YTHDF2: variants seen among roughly 807,000 people sequenced by gnomAD.
The protein encoded by YTHDF2 is YTH domain-containing family protein 2.
In YTHDF2, 2 loss-of-function variants were observed where a neutral mutation model predicts 50.4. The ratio of observed to expected loss-of-function variants is 0.04; its 90% CI spans 0.02 to 0.12. The LOEUF is 0.12. YTHDF2 is among the 10% of genes least tolerant of loss of function. The pLI is 1.00. For synonymous variants in YTHDF2, 217 were observed against 255.6 expected (o/e 0.85, Z 1.44); for missense variants, 483 against 722.6 (o/e 0.67, Z 3.80).
Position 28,742,611 on chromosome 1 carries a change from C to T in YTHDF2, c.341C>T (p.Thr114Ile). 1 of 1,614,058 alleles carries T rather than the reference C, an allele frequency of 6.2e-7. No homozygotes were observed. Among genetic ancestry groups the T allele is most frequent in the Non-Finnish European group, 8.5e-7 (1 of 1,179,986 alleles). The change falls in exon 4 of 5, where the codon ACT (threonine) becomes ATT (isoleucine). Residue 114 changes from threonine (T) to isoleucine (I), a missense_variant. Around this residue, in one of 4 missense-constraint regions of YTHDF2, gnomAD observed 385 missense variants for 475.8 expected, o/e 0.81. Coordinates refer to ENST00000373812, the MANE Select transcript of YTHDF2 (RefSeq NM_016258.3). ...GGGCAACCAGGAGCCCTAGGTAGCA[C>T]TCCATTTCTTGGTCAGCATGGTTTT... Reference protein sequence around the residue: ...MFGQPGALGSTPFLGQHGFNF... With the variant: ...MFGQPGALGSIPFLGQHGFNF...
chr1:28,756,959 A>T (rs1026374250), intron 4 of YTHDF2, among the ~76,000 whole-genome samples: 1 of 152,230 alleles, frequency 6.6e-6, no homozygotes, highest in African/African-American at 2.4e-5. Context: ...AGTCTGCACA[A>T]TGAGCAAGGA....
At chr1:28,749,995 T>TG (rs1014988603) in intron 4 of YTHDF2, among the ~76,000 whole-genome samples, 1 of 143,872 alleles carries the variant, frequency 7.0e-6, no homozygotes, top group Non-Finnish European at 1.5e-5. Context: ...TGTTTTTTTT[T>TG]TTTTTTTTTT....
intron 4 of YTHDF2, among the ~76,000 whole-genome samples, chr1:28,756,706 G>T (rs972154242): frequency 6.6e-6 from 1 of 152,170 alleles, no homozygotes; most frequent in Non-Finnish European, 1.5e-5. Flanking sequence ...AAGGTGTTGG[G>T]TGATTTAGTC....
At chr1:28,763,134 C>T (rs1353952771) in intron 4 of YTHDF2, among the ~76,000 whole-genome samples, 1 of 151,916 alleles carries the variant, frequency 6.6e-6, no homozygotes, top group Non-Finnish European at 1.5e-5. Context: ...GCCGAGTTTT[C>T]TATTTTGTAA....
intron 1 of YTHDF2, 155 bp downstream of exon 1, chr1:28,737,302 C>T: frequency 1.0e-6 from 1 of 985,860 alleles, no homozygotes; most frequent in Non-Finnish European, 1.4e-6. Flanking sequence ...CGCCCGGCGC[C>T]TCTCCCTCAG....
intron 4 of YTHDF2, among the ~76,000 whole-genome samples, chr1:28,762,279 C>T (rs1387567161): frequency 1.3e-5 from 2 of 152,158 alleles, no homozygotes; most frequent in African/African-American, 2.4e-5. Flanking sequence ...GTAGTCCCAG[C>T]TACTCGGGAG....
intron 4 of YTHDF2, among the ~76,000 whole-genome samples, chr1:28,767,571 C>G (rs868451599): frequency 6.6e-6 from 1 of 151,990 alleles, no homozygotes; most frequent in Non-Finnish European, 1.5e-5. Flanking sequence ...TGCAGTGGCA[C>G]GATCTCGGCT....
chr1:28,744,177 T>C (rs906827085), intron 4 of YTHDF2, among the ~76,000 whole-genome samples, 191 bp downstream of exon 4: 16 of 152,212 alleles, frequency 1.1e-4, no homozygotes, highest in African/African-American at 3.9e-4. Context: ...AGAACATTAG[T>C]AGAGGACAGA....
intron 4 of YTHDF2, among the ~76,000 whole-genome samples, chr1:28,755,962 T>G (rs1340129729): frequency 1.3e-5 from 2 of 152,172 alleles, no homozygotes; most frequent in Non-Finnish European, 2.9e-5. Flanking sequence ...TAGAGTACAC[T>G]TAACTCAGAG....
chr1:28,756,559 C>T (rs1175030442), intron 4 of YTHDF2, among the ~76,000 whole-genome samples: 1 of 151,986 alleles, frequency 6.6e-6, no homozygotes, highest in Non-Finnish European at 1.5e-5. Flanking sequence ...AAGCATCTCT[C>T]CTATGAAGCA....
At chr1:28,739,364 G>T (rs1185738967) in intron 3 of YTHDF2, among the ~76,000 whole-genome samples, 1 of 150,706 alleles carries the variant, frequency 6.6e-6, no homozygotes, top group African/African-American at 2.4e-5. Context: ...ACCCAGGCTG[G>T]AGTGCAGTGG....
At chr1:28,755,184 T>C (rs1218866245) in intron 4 of YTHDF2, among the ~76,000 whole-genome samples, 1 of 152,140 alleles carries the variant, frequency 6.6e-6, no homozygotes, top group Non-Finnish European at 1.5e-5. Context: ...TGGGGTTGTA[T>C]TGGCTTTTGG....
Position 28,766,856 on chromosome 1 carries a change from G to A in YTHDF2, c.1717-2073G>A, listed in dbSNP as rs543320374. Among the ~76,000 whole-genome samples the A allele has an allele frequency of 1.1e-3, 164 of 149,612 alleles. 1 individual carries two copies. Among genetic ancestry groups the A allele is most frequent in the African/African-American group, 3.9e-3 (158 of 40,560 alleles). On this transcript the variant is annotated intron_variant, in intron 4 of 4. Coordinates refer to ENST00000373812, the MANE Select transcript of YTHDF2 (RefSeq NM_016258.3). ...CTTCTCTTTTTTTTTTTTTAATGATGGGGTCTCATTTTGTCACCCAGGCTG... is the reference window on the plus strand; with the variant it reads ...CTTCTCTTTTTTTTTTTTTAATGATAGGGTCTCATTTTGTCACCCAGGCTG...
chr1:28,759,980 AC>A (rs1463756314), intron 4 of YTHDF2, among the ~76,000 whole-genome samples: 1 of 152,094 alleles, frequency 6.6e-6, no homozygotes, highest in East Asian at 1.9e-4. Context: ...ACAAAAACTT[AC>A]ATTTTTAACA....
chr1:28,768,572 C>G (rs1279542136), intron 4 of YTHDF2, among the ~76,000 whole-genome samples: 2 of 152,122 alleles, frequency 1.3e-5, no homozygotes, highest in Non-Finnish European at 2.9e-5. Flanking sequence ...CTCTAACACT[C>G]TAGTGTACTA....
intron 4 of YTHDF2, among the ~76,000 whole-genome samples, chr1:28,749,952 T>A (rs2087924040): frequency 1.3e-5 from 2 of 151,684 alleles, no homozygotes; most frequent in Admixed American, 6.6e-5. Flanking sequence ...CTGTATACCC[T>A]TTTGTGCTAT....
chr1:28,741,734 T>C (rs2087780182), intron 3 of YTHDF2, among the ~76,000 whole-genome samples: 1 of 152,194 alleles, frequency 6.6e-6, no homozygotes, highest in South Asian at 2.1e-4. Flanking sequence ...TGCTTTTTGG[T>C]TTATGATTGA....
At chr1:28,751,995 C>G (rs180736898) in intron 4 of YTHDF2, among the ~76,000 whole-genome samples, 1 of 152,162 alleles carries the variant, frequency 6.6e-6, no homozygotes, top group African/African-American at 2.4e-5. Flanking sequence ...CACTGTAATT[C>G]TCATATTTCA....
chr1:28,764,762 C>G (rs903715281), intron 4 of YTHDF2, among the ~76,000 whole-genome samples: 2 of 150,152 alleles, frequency 1.3e-5, no homozygotes, highest in African/African-American at 4.9e-5. Context: ...ATGCTGGTCT[C>G]GAACTCCTGA....
Sources: allele counts gnomAD v4.1 joint callset (sites outside exome capture counted in the v4.1 genomes callset), GRCh38; gene constraint gnomAD v4.1.1; regional missense constraint gnomAD v4.1.1; transcripts MANE v1.5; gene names NCBI Gene and HGNC (gene_info 2026-07-23, HGNC 2026-07-21).